The following MIER1 variants were observed in gnomAD, a reference collection of about 807,000 sequenced individuals.
MIER1 encodes the protein MIER1 transcriptional regulator.
MIER1 carries 40 observed loss-of-function variants against 75.7 expected under a neutral mutation model. The observed-to-expected ratio is 0.53, with a 90% CI of 0.41 to 0.69. The LOEUF is 0.69. MIER1 is among the 30% of genes least tolerant of loss of function. MIER1 has a pLI of 0.00. For synonymous variants in MIER1, 213 were observed against 223.4 expected (o/e 0.95, Z 0.42); for missense variants, 574 against 680.2 (o/e 0.84, Z 1.74).
chr1:66,931,466 A>G (rs1355409692), intron 2 of MIER1, among the ~76,000 whole-genome samples: 1 of 152,074 alleles, frequency 6.6e-6, no homozygotes, highest in East Asian at 1.9e-4. Context: ...TTGATAAGGC[A>G]TTTCTCTTGT....
chr1:66,973,117 A>T, intron 11 of MIER1, 126 bp downstream of exon 11: 1 of 590,494 alleles, frequency 1.7e-6, no homozygotes, highest in Non-Finnish European at 3.0e-6. Flanking sequence ...ATATTTTGGT[A>T]TTTAGTGAGT....
chr1:66,962,073 C>A (rs777599263), intron 7 of MIER1, among the ~76,000 whole-genome samples: 1 of 152,120 alleles, frequency 6.6e-6, no homozygotes, highest in Non-Finnish European at 1.5e-5. Context: ...TTGAAAATGT[C>A]AGTAAATGTG....
chr1:66,954,212 C>G (rs1449571682), intron 4 of MIER1, among the ~76,000 whole-genome samples: 1 of 152,178 alleles, frequency 6.6e-6, no homozygotes, highest in Non-Finnish European at 1.5e-5. Flanking sequence ...GGCAAGCAAA[C>G]TAAATCTTCC....
intron 10 of MIER1, among the ~76,000 whole-genome samples, chr1:66,972,582 C>T (rs181232537): frequency 9.2e-4 from 140 of 152,022 alleles, no homozygotes; most frequent in African/African-American, 3.2e-3. Context: ...AAAGGAGAGA[C>T]ACCATGCACA....
chr1:66,965,463 G>C (rs1170627334), intron 8 of MIER1, among the ~76,000 whole-genome samples: 1 of 151,660 alleles, frequency 6.6e-6, no homozygotes, highest in Non-Finnish European at 1.5e-5. Context: ...TAATATGTTC[G>C]TATTATATAT....
intron 3 of MIER1, chr1:66,940,270 CTTTTTTTTT>C (rs35904130): frequency 5.3e-5 from 7 of 131,442 alleles, no homozygotes; most frequent in African/African-American, 9.4e-5. Context: ...TTTGGGTTTT[CTTTTTTTTT>C]TTTTTTTTTT....
chr1:66,975,517 C>A (rs952235691), intron 11 of MIER1, among the ~76,000 whole-genome samples: 20 of 148,788 alleles, frequency 1.3e-4, no homozygotes, highest in African/African-American at 4.9e-4. Flanking sequence ...CAGAGCATGA[C>A]ACTATCTCAA....
intron 2 of MIER1, among the ~76,000 whole-genome samples, chr1:66,937,013 A>G (rs946898869): frequency 3.3e-5 from 5 of 151,452 alleles, no homozygotes; most frequent in African/African-American, 1.2e-4. Flanking sequence ...AAAAAAAAAA[A>G]AAAAAAAGAG....
intron 8 of MIER1, among the ~76,000 whole-genome samples, chr1:66,966,066 A>G (rs1200099948): frequency 1.3e-5 from 2 of 151,544 alleles, no homozygotes; most frequent in African/African-American, 4.9e-5. Context: ...TTTAAGTTCT[A>G]GGGTACATGT....
chr1:66,969,722 C>G (rs1053085931), intron 8 of MIER1, among the ~76,000 whole-genome samples: 1 of 152,056 alleles, frequency 6.6e-6, no homozygotes, highest in Non-Finnish European at 1.5e-5. Flanking sequence ...TTTGCCTCAT[C>G]TTTGAAAACA....
At chr1:66,931,802 C>T (rs1233035417) in intron 2 of MIER1, among the ~76,000 whole-genome samples, 2 of 151,928 alleles carry the variant, frequency 1.3e-5, no homozygotes, top group East Asian at 3.9e-4. Flanking sequence ...GTGTTTGTTT[C>T]CTTCATGTTT....
chr1:66,985,000 T>C lies in MIER1; in HGVS notation c.*100T>C. On this transcript the variant is annotated 3_prime_UTR_variant, in exon 14 of 14. Transcript: ENST00000401041. ...AAAAAGTTGATTTCCTTGAAGCAGT[T>C]TGAAAATTTGAATTGAGTCTTAACT... is the stretch of plus-strand genomic sequence containing the variant. 7.0e-7 allele frequency: 1 copy of C among 1,430,172 alleles called. No individual in the cohort carries two copies. The highest frequency in any genetic ancestry group is 2.6e-4 in the Middle Eastern group (1 of 3,906). The allele number at this position is 1,430,172 out of a possible 1,614,324, so 88.6% of individuals were successfully genotyped here.
At chr1:66,930,210 G>C in intron 2 of MIER1, 1 of 1,376,150 alleles carries the variant, frequency 7.3e-7, no homozygotes, top group South Asian at 1.7e-5. Context: ...GGCGCCGCGA[G>C]GGGGCGGAGT....
At chr1:66,932,476 C>G (rs1653673178) in intron 2 of MIER1, among the ~76,000 whole-genome samples, 1 of 152,084 alleles carries the variant, frequency 6.6e-6, no homozygotes, top group Non-Finnish European at 1.5e-5. Context: ...AAATCTAAGA[C>G]AGGTGAAGAA....
intron 4 of MIER1, chr1:66,947,841 T>G: frequency 1.4e-6 from 1 of 738,694 alleles, no homozygotes; most frequent in Non-Finnish European, 1.7e-6. Context: ...GCTTTTGTTG[T>G]TAAATAGGCT....
intron 4 of MIER1, among the ~76,000 whole-genome samples, chr1:66,956,804 A>T (rs962681557): frequency 1.3e-5 from 2 of 152,256 alleles, no homozygotes; most frequent in African/African-American, 4.8e-5. Context: ...GAAGTTTTGG[A>T]TGACAGTTTC....
intron 4 of MIER1, among the ~76,000 whole-genome samples, chr1:66,956,521 C>A (rs1660160609): frequency 1.3e-5 from 2 of 152,188 alleles, no homozygotes; most frequent in South Asian, 4.1e-4. Flanking sequence ...TTCCCAAATA[C>A]CAATGTCCTG....
chr1:66,981,903 A>G lies in MIER1; in HGVS notation c.1354A>G (p.Thr452Ala), dbSNP rs776063986. Reference protein sequence around the residue: ...QSEKEDGTVSTANQNGVSSNG... With the variant: ...QSEKEDGTVSAANQNGVSSNG... ...TGAGAAAGAAGATGGCACTGTAAGC[A>G]CTGCTAATCAAAATGGTAAGCAACC... Residue 452 changes from threonine (T) to alanine (A), a missense_variant, in exon 13 of 14, where the codon ACT becomes GCT. This residue lies in a region of MIER1 where 164 missense variants were observed against 154.3 expected (regional missense o/e 1.06). Transcript: ENST00000401041. The G allele has an allele frequency of 9.9e-6, 16 of 1,613,752 alleles. No homozygotes were observed. Among genetic ancestry groups the G allele is most frequent in the Non-Finnish European group, 8.5e-7 (1 of 1,179,848 alleles).
chr1:66,968,531 T>G lies in MIER1; in HGVS notation c.773-2277T>G, dbSNP rs1662893066. Among the ~76,000 whole-genome samples, 4 of 152,202 alleles carry G rather than the reference T, an allele frequency of 2.6e-5. No homozygotes were observed. In the South Asian group the frequency reaches 8.3e-4, roughly 31 times the overall value. ...CAGAATTCTCCTTTTCATTGATACG[T>G]GGAAACCTCCTTACCTAGTATCTTG... On this transcript the variant is annotated intron_variant, in intron 8 of 13. Coordinates refer to ENST00000401041, the MANE Select transcript of MIER1 (RefSeq NM_001077700.3).
Sources: gnomAD v4.1 joint callset for allele counts (sites outside exome capture counted in the v4.1 genomes callset) on GRCh38, gnomAD v4.1.1 for gene constraint, gnomAD v4.1.1 regional missense constraint, MANE v1.5 for transcripts, NCBI Gene and HGNC (gene_info 2026-07-23, HGNC 2026-07-21) for gene names.